Variants in MIB1 observed in about 807,000 individuals in gnomAD.
MIB1 encodes the protein E3 ubiquitin-protein ligase MIB1.
A neutral mutation model predicts 124.5 loss-of-function variants in MIB1; 278 were observed. The ratio of observed to expected loss-of-function variants is 2.23; its 90% CI spans 2.02 to 2.47. MIB1 has a LOEUF of 2.47. Among genes scored for constraint, MIB1 ranks in the 30% most tolerant of loss-of-function variants. The pLI is 0.00. For missense variants in MIB1, 957 were observed against 1,254.4 expected (o/e 0.76, Z 3.58); for synonymous variants, 446 against 429.4 (o/e 1.04, Z -0.48).
At chr18:21,767,300 A>G (rs555848639) in intron 2 of MIB1, among the ~76,000 whole-genome samples, 4 of 152,184 alleles carry the variant, frequency 2.6e-5, no homozygotes, top group Admixed American at 1.3e-4. Flanking sequence ...CCTTCTTCAC[A>G]TGGCAGCAGC....
chr18:21,784,649 C>G (rs2041412895), intron 6 of MIB1, among the ~76,000 whole-genome samples: 1 of 151,966 alleles, frequency 6.6e-6, no homozygotes, highest in Admixed American at 6.6e-5. Flanking sequence ...TAGGAAAGAC[C>G]AGGCTATACA....
chr18:21,807,608 A>G (rs1441117720), intron 10 of MIB1, among the ~76,000 whole-genome samples: 1 of 152,182 alleles, frequency 6.6e-6, no homozygotes, highest in Non-Finnish European at 1.5e-5. Context: ...GGCATTTTTA[A>G]TTGTTACAAG....
chr18:21,848,432 A>G (rs552647073), intron 16 of MIB1, among the ~76,000 whole-genome samples: 2 of 152,288 alleles, frequency 1.3e-5, no homozygotes, highest in South Asian at 4.1e-4. Context: ...CCTGGGCAAC[A>G]AGAGCAAAAT....
chr18:21,721,169 T>G (rs1352171218), intron 1 of MIB1, among the ~76,000 whole-genome samples: 4 of 97,118 alleles, frequency 4.1e-5, no homozygotes, highest in African/African-American at 1.4e-4. Context: ...GTTTTTTTTT[T>G]TTTTTTTTTT....
intron 1 of MIB1, among the ~76,000 whole-genome samples, chr18:21,719,211 C>T (rs2040703169): frequency 1.3e-5 from 2 of 151,650 alleles, no homozygotes. Flanking sequence ...AAAATTTAGC[C>T]AGGCATGGTA....
At position 21,844,121 on chromosome 18, in the gene MIB1, T is replaced by C; in HGVS notation, c.2079T>C (p.Asp693=). 1.2e-6 allele frequency: 2 copies of C among 1,614,058 alleles called. No individual in the cohort carries two copies. The highest frequency in any genetic ancestry group is 1.7e-6 in the Non-Finnish European group (2 of 1,180,012). Reference sequence around the variant, plus strand: ...TGGTCCGTGCAGGTGCCAAGCTTGATATTCAGGATAAGGATGGGGATACTC... The same window carrying C: ...TGGTCCGTGCAGGTGCCAAGCTTGACATTCAGGATAAGGATGGGGATACTC... ...RLLVRAGAKL[D]IQDKDGDTPL... The change falls in exon 15 of 21, where the codon GAT becomes GAC. Residue 693 remains aspartate (D), a synonymous_variant. Coordinates refer to ENST00000261537, the MANE Select transcript of MIB1 (RefSeq NM_020774.4).
intron 1 of MIB1, among the ~76,000 whole-genome samples, chr18:21,722,041 T>A (rs1568176073): frequency 6.6e-6 from 1 of 151,832 alleles, no homozygotes; most frequent in South Asian, 2.1e-4. Flanking sequence ...GATAGCTTCT[T>A]AATCTTTCCG....
At chr18:21,786,682 C>T (rs1235968803) in intron 6 of MIB1, among the ~76,000 whole-genome samples, 2 of 151,832 alleles carry the variant, frequency 1.3e-5, no homozygotes, top group Non-Finnish European at 2.9e-5. Context: ...ATATCCAGTC[C>T]CACTGTTTTT....
rs138989130 is a variant in MIB1, at chr18:21,863,733, T to C, written c.2881-793T>C. On this transcript the variant is annotated intron_variant, in intron 20 of 20. Transcript: ENST00000261537. ...TAGAAAGAACCAGTTGGGCTGGGCG[T>C]GGTGGCTCATGCCTGTAATCCCAGC... Among the ~76,000 whole-genome samples the C allele has an allele frequency of 1.7e-3, 258 of 152,108 alleles. 2 individuals are homozygous for C. The highest frequency in any genetic ancestry group is 6.0e-3 in the African/African-American group (249 of 41,518).
chr18:21,831,828 T>C (rs1290215574), intron 12 of MIB1, among the ~76,000 whole-genome samples: 1 of 152,142 alleles, frequency 6.6e-6, no homozygotes, highest in Non-Finnish European at 1.5e-5. Flanking sequence ...CCATGGCTAG[T>C]AGCAAGACAA....
At chr18:21,734,289 T>C (rs1397638399) in intron 1 of MIB1, among the ~76,000 whole-genome samples, 1 of 151,522 alleles carries the variant, frequency 6.6e-6, no homozygotes, top group Non-Finnish European at 1.5e-5. Context: ...GGATTTTTAT[T>C]AGAGACGGGG....
intron 4 of MIB1, among the ~76,000 whole-genome samples, chr18:21,774,477 A>G (rs977198793): frequency 2.6e-5 from 4 of 152,144 alleles, no homozygotes; most frequent in Non-Finnish European, 4.4e-5. Context: ...AATTCCAGCT[A>G]TTTGGGAGGC....
intron 18 of MIB1, among the ~76,000 whole-genome samples, chr18:21,856,663 C>T (rs2042231879): frequency 6.6e-6 from 1 of 152,194 alleles, no homozygotes; most frequent in Non-Finnish European, 1.5e-5. Context: ...ACCACCATGG[C>T]ACACTTGTAC....
chr18:21,752,281 A>C (rs990041789), intron 1 of MIB1, among the ~76,000 whole-genome samples: 41 of 152,316 alleles, frequency 2.7e-4, no homozygotes, highest in African/African-American at 9.4e-4. Context: ...CTGCTCAACT[A>C]TCATATAATA....
intron 1 of MIB1, among the ~76,000 whole-genome samples, chr18:21,711,007 A>G (rs1325484341): frequency 6.6e-6 from 1 of 151,796 alleles, no homozygotes; most frequent in East Asian, 1.9e-4. Flanking sequence ...TTGTATTTTT[A>G]GTAGAGACAG....
Position 21,791,679 on chromosome 18 carries a change from A to G in MIB1, c.1092+122A>G, listed in dbSNP as rs372063539. Reference sequence around the variant, plus strand: ...TCTTAGAATTGTACTCTCCATTTGCACCTAGACATACTCGTGCATTTTGTT... The same window carrying G: ...TCTTAGAATTGTACTCTCCATTTGCGCCTAGACATACTCGTGCATTTTGTT... On this transcript the variant is annotated intron_variant, in intron 7 of 20. Transcript: ENST00000261537. 9 of 688,744 alleles carry G rather than the reference A, an allele frequency of 1.3e-5. No homozygotes were observed. The East Asian group carries it at 1.8e-4, about 14-fold the overall frequency. 42.7% of individuals were successfully genotyped at this position (688,744 alleles called of 1,614,324 possible). A position where few individuals can be genotyped will look rare whatever the true frequency, so the allele number is the denominator to read the frequency against.
chr18:21,791,254 C>T, intron 6 of MIB1, 120 bp from the exon 7 acceptor site: 1 of 667,506 alleles, frequency 1.5e-6, no homozygotes, highest in South Asian at 2.6e-5. Flanking sequence ...TAAATAAACA[C>T]AAATCATTCA....
chr18:21,750,017 T>G (rs1161492834), intron 1 of MIB1, among the ~76,000 whole-genome samples: 3 of 152,152 alleles, frequency 2.0e-5, no homozygotes, highest in African/African-American at 7.2e-5. Flanking sequence ...TTATCACCTT[T>G]TTTTCTGCTC....
At chr18:21,844,681 G>A (rs2042120481) in intron 15 of MIB1, among the ~76,000 whole-genome samples, 3 of 152,126 alleles carry the variant, frequency 2.0e-5, no homozygotes, top group Non-Finnish European at 2.9e-5. Flanking sequence ...CACCCGCCTC[G>A]GTCTCCCACA....
Sources: allele counts gnomAD v4.1 joint callset (sites outside exome capture counted in the v4.1 genomes callset), GRCh38; gene constraint gnomAD v4.1.1; transcripts MANE v1.5; gene names NCBI Gene and HGNC (gene_info 2026-07-23, HGNC 2026-07-21).